Variants in SLC12A8 observed in about 807,000 individuals in gnomAD.
The protein encoded by SLC12A8 is cation-chloride cotransporter 9.
A neutral mutation model predicts 75.6 loss-of-function variants in SLC12A8; 69 were observed. The ratio of observed to expected loss-of-function variants is 0.91; its 90% CI spans 0.75 to 1.11. The LOEUF (loss-of-function observed/expected upper bound fraction) is 1.11, where lower values mean the gene tolerates loss of function less well. Ranked by LOEUF, SLC12A8 falls within the 50% of genes most tolerant of loss-of-function variation. The pLI, the probability that SLC12A8 is intolerant of heterozygous loss-of-function variation, is 0.00. For missense variants in SLC12A8, 877 were observed against 896.7 expected (o/e 0.98, Z 0.28); for synonymous variants, 365 against 372.8 (o/e 0.98, Z 0.24).
chr3:125,185,058 C>G (rs1200317447), intron 4 of SLC12A8, among the ~76,000 whole-genome samples: 1 of 152,168 alleles, frequency 6.6e-6, no homozygotes, highest in Non-Finnish European at 1.5e-5. Flanking sequence ...CAGTGGCTTA[C>G]GCCTGTAATC....
intron 3 of SLC12A8, among the ~76,000 whole-genome samples, chr3:125,189,892 G>A (rs894250257): frequency 6.6e-6 from 1 of 152,158 alleles, no homozygotes; most frequent in African/African-American, 2.4e-5. Context: ...TCACACAGCA[G>A]AGTCCATCCT....
chr3:125,086,002 T>C (rs1292881036), intron 13 of SLC12A8, among the ~76,000 whole-genome samples: 1 of 152,004 alleles, frequency 6.6e-6, no homozygotes, highest in African/African-American at 2.4e-5. Context: ...CCTCCCGGGT[T>C]CAAGTGATTC....
rs779967427 is a variant in SLC12A8, at chr3:125,107,816, T to C, written c.1370A>G (p.Glu457Gly). The change falls in exon 10 of 14, where the codon GAA (glutamate) becomes GGA (glycine). Residue 457 changes from glutamate (E) to glycine (G), a missense_variant. By Grantham distance (98) the Glu-to-Gly change is moderately conservative. Coordinates refer to ENST00000469902, the MANE Select transcript of SLC12A8 (RefSeq NM_024628.6). ...AQRVLEGTLL[E>G]FTKDMDQLLQ... ...GAGCTGATCCATGTCCTTGGTGAAT[T>C]CCAGTAGCGTGCCCTCCAAGACTCT... 1.2e-6 allele frequency: 2 copies of C among 1,614,110 alleles called. No homozygotes were observed. The highest frequency in any genetic ancestry group is 3.3e-5 in the Admixed American group (2 of 60,012).
At chr3:125,085,178 T>C (rs1938426782) in intron 13 of SLC12A8, among the ~76,000 whole-genome samples, 2 of 152,186 alleles carry the variant, frequency 1.3e-5, no homozygotes, top group South Asian at 4.1e-4. Context: ...CTCCAAAAAG[T>C]TTAGGAGGTG....
chr3:125,129,912 G>A (rs942194372), intron 6 of SLC12A8, among the ~76,000 whole-genome samples: 1 of 152,128 alleles, frequency 6.6e-6, no homozygotes, highest in Non-Finnish European at 1.5e-5. Flanking sequence ...GCAGGGTGAC[G>A]GCCCAACTCT....
intron 13 of SLC12A8, among the ~76,000 whole-genome samples, chr3:125,086,489 G>A (rs1938463974): frequency 6.6e-6 from 1 of 152,170 alleles, no homozygotes; most frequent in African/African-American, 2.4e-5. Context: ...GGCATTTTTA[G>A]GCTTTAAAAC....
chr3:125,098,533 G>A (rs1157541201), intron 10 of SLC12A8, among the ~76,000 whole-genome samples: 1 of 147,340 alleles, frequency 6.8e-6, no homozygotes, highest in Non-Finnish European at 1.5e-5. Flanking sequence ...ATGGCAGTAT[G>A]AAGAGGTCAG....
rs1473435338 is a variant in SLC12A8, at chr3:125,135,644, T to TA, written c.736+24dup. 5 of 1,497,956 alleles carry TA rather than the reference T, an allele frequency of 3.3e-6. No homozygotes were observed. In the South Asian group the frequency reaches 3.8e-5, roughly 11 times the overall value. 92.8% of individuals were successfully genotyped at this position (1,497,956 alleles called of 1,614,324 possible). On this transcript the variant is annotated intron_variant, in intron 6 of 13. Transcript: ENST00000469902. The stretch of plus-strand genomic sequence containing the variant: ...AGAATGTATACCCCTAATTTGAGAG[T>TA]AAAAAAGAACCCAGATTACAATACC...
At chr3:125,106,505 G>A (rs1252574996) in intron 10 of SLC12A8, among the ~76,000 whole-genome samples, 2 of 152,164 alleles carry the variant, frequency 1.3e-5, no homozygotes, top group African/African-American at 4.8e-5. Context: ...CTGGGTTCAA[G>A]CAATTCTCCT....
rs189853407 is a variant in SLC12A8 at position 125,148,003 on chromosome 3, G to A, written c.623-12221C>T. The stretch of plus-strand genomic sequence containing the variant: ...TTATTTTATGCTTTGGCAACCTAGC[G>A]AGGCAGGCGTTATTACCTGCTTTTC... On this transcript the variant is annotated intron_variant, in intron 5 of 13. Coordinates refer to ENST00000469902, the MANE Select transcript of SLC12A8 (RefSeq NM_024628.6). 9.9e-5 allele frequency among the ~76,000 whole-genome samples: 15 copies of A among 152,280 alleles called. No homozygotes were observed. In the East Asian group the frequency reaches 1.2e-3, roughly 12 times the overall value.
chr3:125,093,807 C>T (rs1006283312), intron 10 of SLC12A8, among the ~76,000 whole-genome samples: 3 of 152,236 alleles, frequency 2.0e-5, no homozygotes, highest in African/African-American at 7.2e-5. Context: ...TCTCTGGTCA[C>T]TGTTGCTTTA....
chr3:125,142,720 G>A (rs1488094980), intron 5 of SLC12A8, among the ~76,000 whole-genome samples: 1 of 152,270 alleles, frequency 6.6e-6, no homozygotes, highest in Non-Finnish European at 1.5e-5. Context: ...GCTCCCCGGA[G>A]ATGCCACGCT....
At chr3:125,141,658 T>C (rs865879626) in intron 5 of SLC12A8, among the ~76,000 whole-genome samples, 1 of 151,628 alleles carries the variant, frequency 6.6e-6, no homozygotes, top group Non-Finnish European at 1.5e-5. Flanking sequence ...TTTCTAAAAA[T>C]GATGCTGGGG....
At chr3:125,209,540 G>C (rs1295718786) in intron 2 of SLC12A8, among the ~76,000 whole-genome samples, 2 of 152,188 alleles carry the variant, frequency 1.3e-5, no homozygotes, top group Non-Finnish European at 2.9e-5. Context: ...TTCCTAGCCA[G>C]GTAAGTTCAG....
At chr3:125,184,987 A>G (rs1934741238) in intron 4 of SLC12A8, among the ~76,000 whole-genome samples, 1 of 152,246 alleles carries the variant, frequency 6.6e-6, no homozygotes, top group African/African-American at 2.4e-5. Flanking sequence ...AAATCTATAG[A>G]CAATTAATAT....
chr3:125,099,628 C>T (rs759278555), intron 10 of SLC12A8, among the ~76,000 whole-genome samples: 13 of 152,142 alleles, frequency 8.5e-5, no homozygotes, highest in Admixed American at 2.0e-4. Context: ...AGAATACCAA[C>T]AGAGAAATAT....
intron 1 of SLC12A8, among the ~76,000 whole-genome samples, chr3:125,212,209 G>T (rs1017865880): frequency 2.6e-5 from 4 of 152,070 alleles, no homozygotes; most frequent in South Asian, 2.1e-4. Flanking sequence ...AGCACTGAGT[G>T]GGGGGTTGGG....
chr3:125,106,579 AT>A (rs1351951400), intron 10 of SLC12A8, among the ~76,000 whole-genome samples: 1 of 152,126 alleles, frequency 6.6e-6, no homozygotes, highest in Non-Finnish European at 1.5e-5. Context: ...AATTATTTGT[AT>A]TTTTAGTAGA....
chr3:125,128,300 C>T (rs112201053), intron 6 of SLC12A8, among the ~76,000 whole-genome samples: 8,186 of 145,088 alleles, frequency 0.056, 696 homozygotes, highest in African/African-American at 0.19. Context: ...CCTGCCTCAG[C>T]CTCCCAAGTA....
Sources: allele counts gnomAD v4.1 joint callset (sites outside exome capture counted in the v4.1 genomes callset), GRCh38; gene constraint gnomAD v4.1.1; transcripts MANE v1.5; gene names NCBI Gene and HGNC (gene_info 2026-07-23, HGNC 2026-07-21).